Variants in PCDHGB2 observed in about 807,000 individuals in gnomAD.
The protein encoded by PCDHGB2 is protocadherin gamma-B2.
A neutral mutation model predicts 59.3 loss-of-function variants in PCDHGB2; 55 were observed. The ratio of observed to expected loss-of-function variants is 0.93; its 90% confidence interval spans 0.75 to 1.16. PCDHGB2 has a LOEUF of 1.16. Ranked by LOEUF, PCDHGB2 falls within the 50% of genes most tolerant of loss-of-function variation. The probability of loss-of-function intolerance (pLI) is 0.00; values close to 1 mark genes in which losing one functional copy is unlikely to be tolerated. For missense variants in PCDHGB2, 1,228 were observed against 1,198.5 expected, an observed-to-expected ratio of 1.02 and a Z score of -0.36; for synonymous variants, 516 against 512.0, an observed-to-expected ratio of 1.01 and a Z score of -0.11.
chr5:141,485,374 T>A lies in PCDHGB2; in HGVS notation c.2422-9433T>A. Reference sequence around the variant, plus strand: ...TGTCAGCTCGCAGGCTGCAGGTCGCTGGAGAGGTGAACCAAAGACACTTCC... The same window carrying A: ...TGTCAGCTCGCAGGCTGCAGGTCGCAGGAGAGGTGAACCAAAGACACTTCC... On this transcript the variant is annotated intron_variant, in intron 1 of 3. Coordinates refer to ENST00000522605, the MANE Select transcript of PCDHGB2 (RefSeq NM_018923.3). The surrounding 1 kb of genome is among the most constrained non-coding windows in gnomAD (Gnocchi z 5.7). The A allele has an allele frequency of 1.2e-6, 2 of 1,614,082 alleles. No homozygotes were observed. Among genetic ancestry groups the A allele is most frequent in the Non-Finnish European group, 1.7e-6 (2 of 1,179,998 alleles).
intron 1 of PCDHGB2, chr5:141,366,288 C>T (rs1020562585): frequency 6.2e-7 from 1 of 1,613,748 alleles, no homozygotes; most frequent in Non-Finnish European, 8.5e-7. Flanking sequence ...GGCCAGCCCC[C>T]TCTGTCAGCC....
chr5:141,415,579 A>G, intron 1 of PCDHGB2: 1 of 1,614,072 alleles, frequency 6.2e-7, no homozygotes, highest in East Asian at 2.2e-5. Flanking sequence ...AGATGATTCG[A>G]AGTTTCCTAT....
rs373182240 is a variant in PCDHGB2, at chr5:141,361,388, A to G, written c.1253A>G (p.Tyr418Cys). Residue 418 changes from tyrosine (Y) to cysteine (C), a missense_variant, in exon 1 of 4, where the codon TAC (tyrosine) becomes TGC (cysteine). Coordinates refer to ENST00000522605, the MANE Select transcript of PCDHGB2 (RefSeq NM_018923.3). ...CTGGACCGGGAGGAGATCCCAGAAT[A>G]CAATCTCACCATCACAGCCACCGAC... ...GALDREEIPE[Y>C]NLTITATDGG... The G allele has an allele frequency of 6.2e-7, 1 of 1,613,880 alleles. No homozygotes were observed. The highest frequency in any genetic ancestry group is 8.5e-7 in the Non-Finnish European group (1 of 1,179,898).
In PCDHGB2 at chr5:141,489,375, G is replaced by A. The variant is rs768190252; in HGVS notation, c.2422-5432G>A. The A allele has an allele frequency of 1.2e-5, 19 of 1,613,826 alleles. No individual in the cohort carries two copies. The Admixed American group carries it at 3.2e-4, about 27-fold the overall frequency. ...AGGAGTCTGAGCCGGGGACGCTGGT[G>A]GGGAATGTTGCTCAGGATCTGGGCT... On this transcript the variant is annotated intron_variant, in intron 1 of 3. Transcript: ENST00000522605. The surrounding 1 kb of genome is among the most constrained non-coding windows in gnomAD (Gnocchi z 4.5).
intron 1 of PCDHGB2, among the ~76,000 whole-genome samples, chr5:141,456,046 C>T (rs759479772): frequency 1.3e-5 from 2 of 151,904 alleles, no homozygotes; most frequent in Non-Finnish European, 2.9e-5. Context: ...TACAGGCGCC[C>T]ACCACCACGT....
At chr5:141,420,748 C>G (rs2096523185) in intron 1 of PCDHGB2, among the ~76,000 whole-genome samples, 1 of 152,214 alleles carries the variant, frequency 6.6e-6, no homozygotes, top group Non-Finnish European at 1.5e-5. Context: ...TTGGAACCAA[C>G]TACAACCTAC....
chr5:141,376,151 A>T lies in PCDHGB2; in HGVS notation c.2421+13595A>T. ...CGCCAAACCCAACGATTCGGACCTC[A>T]CTCTGTACCTGGTGGTGGCGGTGGC... On this transcript the variant is annotated intron_variant, in intron 1 of 3. Coordinates refer to ENST00000522605, the MANE Select transcript of PCDHGB2 (RefSeq NM_018923.3). The T allele has an allele frequency of 1.9e-6, 3 of 1,612,748 alleles. No individual in the cohort carries two copies. In the South Asian group the frequency reaches 3.3e-5, roughly 18 times the overall value.
intron 1 of PCDHGB2, chr5:141,383,470 T>G (rs1779162782): frequency 6.2e-7 from 1 of 1,613,710 alleles, no homozygotes; most frequent in Non-Finnish European, 8.5e-7. Flanking sequence ...TGAAACTAAG[T>G]ACCCGGAACT....
chr5:141,434,920 A>C (rs927245955), intron 1 of PCDHGB2, among the ~76,000 whole-genome samples: 1 of 151,796 alleles, frequency 6.6e-6, no homozygotes. Flanking sequence ...ATTTATGTAC[A>C]TATATTTTAT....
At chr5:141,435,863 C>T (rs772361494) in intron 1 of PCDHGB2, among the ~76,000 whole-genome samples, 16 of 151,882 alleles carry the variant, frequency 1.1e-4, no homozygotes, top group Non-Finnish European at 2.2e-4. Context: ...TAGTTAAAAC[C>T]CAGAAAAGAG....
intron 1 of PCDHGB2, chr5:141,383,506 G>A: frequency 6.2e-7 from 1 of 1,612,872 alleles, no homozygotes; most frequent in Non-Finnish European, 8.5e-7. Flanking sequence ...GCTGGACCGG[G>A]AGGAAGAGCG....
At chr5:141,404,752 G>A (rs774409689) in intron 1 of PCDHGB2, 1 of 1,614,010 alleles carries the variant, frequency 6.2e-7, no homozygotes, top group Non-Finnish European at 8.5e-7. Context: ...ACTCAGGCCA[G>A]AATGCTTGGC....
Position 141,491,739 on chromosome 5 carries a change from C to A in PCDHGB2, c.2422-3068C>A, listed in dbSNP as rs372183034. ...CGCCGCCCCGGGCGACCCCTGGGGG[C>A]GGCACTGGAGAAGCCGCCCGTCCTC... On this transcript the variant is annotated intron_variant, in intron 1 of 3. Transcript: ENST00000522605. The surrounding 1 kb of genome is among the most constrained non-coding windows in gnomAD (Gnocchi z 6.9). 2 of 1,598,886 alleles carry A rather than the reference C, an allele frequency of 1.3e-6. No individual in the cohort carries two copies. The highest frequency in any genetic ancestry group is 1.3e-5 in the African/African-American group (1 of 74,290).
At chr5:141,375,474 A>G (rs369592332) in intron 1 of PCDHGB2, 1 of 1,613,772 alleles carries the variant, frequency 6.2e-7, no homozygotes, top group African/African-American at 1.3e-5. Flanking sequence ...GTCCTTGAAA[A>G]CAACCCCAGG....
At chr5:141,478,159 T>C (rs1456465606) in intron 1 of PCDHGB2, 2 of 1,614,064 alleles carry the variant, frequency 1.2e-6, no homozygotes, top group Admixed American at 1.7e-5. Flanking sequence ...CCTCTGGCTC[T>C]GCCCCCCGGG....
intron 1 of PCDHGB2, chr5:141,441,809 C>A: frequency 2.7e-6 from 1 of 373,176 alleles, no homozygotes; most frequent in East Asian, 9.0e-5. Context: ...GGGTGCTGTA[C>A]CCCAGCTCTG....
chr5:141,415,249 G>A (rs756443082), intron 1 of PCDHGB2: 1 of 1,614,204 alleles, frequency 6.2e-7, no homozygotes, highest in South Asian at 1.1e-5. Context: ...TGAAACCTCA[G>A]ACCTCACTCT....
rs780436102 is a variant in PCDHGB2, at chr5:141,431,846, G to A, written c.2422-62961G>A. 1 of 1,614,274 alleles carries A rather than the reference G, an allele frequency of 6.2e-7. No individual in the cohort carries two copies. Among genetic ancestry groups the A allele is most frequent in the South Asian group, 1.1e-5 (1 of 91,088 alleles). On this transcript the variant is annotated intron_variant, in intron 1 of 3. Coordinates refer to ENST00000522605, the MANE Select transcript of PCDHGB2 (RefSeq NM_018923.3). The surrounding 1 kb of genome is among the most constrained non-coding windows in gnomAD (Gnocchi z 4.8). ...CTCGGTTCCCGAAAACTCTCCCAGA[G>A]GGACATTAATTGCCCTTTTAAATGT...
intron 1 of PCDHGB2, chr5:141,376,373 C>G (rs368702591): frequency 1.2e-6 from 2 of 1,614,192 alleles, no homozygotes; most frequent in Non-Finnish European, 1.7e-6. Flanking sequence ...TGCAGACTCG[C>G]GTAAGAGTCA....
Sources: allele counts gnomAD v4.1 joint callset (sites outside exome capture counted in the v4.1 genomes callset), GRCh38; gene constraint gnomAD v4.1.1; non-coding constraint Gnocchi (gnomAD v3.1); transcripts MANE v1.5; gene names NCBI Gene and HGNC (gene_info 2026-07-23, HGNC 2026-07-21).